The following DAAM2 variants were observed in gnomAD, a reference collection of about 807,000 sequenced individuals.
The protein encoded by DAAM2 is disheveled-associated activator of morphogenesis 2.
DAAM2 carries 39 observed loss-of-function variants against 120.7 expected under a neutral mutation model. The observed-to-expected ratio is 0.32, with a 90% CI of 0.25 to 0.42. The LOEUF (loss-of-function observed/expected upper bound fraction) is 0.42, where lower values mean the gene tolerates loss of function less well. Ranked by LOEUF, DAAM2 falls within the 10% of genes least tolerant of loss-of-function variation. DAAM2 has a pLI of 1.00. For missense variants in DAAM2, 1,283 were observed against 1,401.7 expected (o/e 0.92, Z 1.35); for synonymous variants, 488 against 524.9 (o/e 0.93, Z 0.96).
Position 39,871,559 on chromosome 6 carries a change from G to A in DAAM2, c.1031G>A (p.Arg344Lys). The A allele has an allele frequency of 6.4e-7, 1 of 1,550,714 alleles. No individual in the cohort carries two copies. The highest frequency in any genetic ancestry group is 8.7e-7 in the Non-Finnish European group (1 of 1,147,000). Residue 344 changes from arginine (R) to lysine (K), a missense_variant, in exon 9 of 25, where the codon AGG (arginine) becomes AAG (lysine). Arg to Lys is a conservative substitution (Grantham distance 26). Coordinates refer to ENST00000274867, the MANE Select transcript of DAAM2 (RefSeq NM_001201427.2). ...AATGAGGATGACCTGGAGCTAGCCA[G>A]GAGGTTTGACATGGTGAGGAGCCAG... ...VRNEDDLELA[R>K]RFDMVHIDTK... is the part of the protein sequence containing the mutation.
intron 2 of DAAM2, 81 bp downstream of exon 2, chr6:39,856,551 C>T: frequency 8.6e-7 from 1 of 1,162,726 alleles, no homozygotes; most frequent in Non-Finnish European, 1.1e-6. Flanking sequence ...GGGCAGGGCC[C>T]CTGTGCTGGG....
intron 1 of DAAM2, among the ~76,000 whole-genome samples, chr6:39,815,522 AC>A (rs1156811434): frequency 6.6e-6 from 1 of 152,166 alleles, no homozygotes; most frequent in Non-Finnish European, 1.5e-5. Flanking sequence ...TGTCTGTTAA[AC>A]ACAGTTTAAC....
intron 1 of DAAM2, among the ~76,000 whole-genome samples, chr6:39,797,636 G>A (rs889851598): frequency 2.8e-4 from 42 of 152,202 alleles, no homozygotes; most frequent in African/African-American, 9.9e-4. Context: ...CCACAGTTCT[G>A]TAAGCTTCCC....
At chr6:39,827,323 T>C (rs1328898564) in intron 1 of DAAM2, among the ~76,000 whole-genome samples, 1 of 152,180 alleles carries the variant, frequency 6.6e-6, no homozygotes, top group Non-Finnish European at 1.5e-5. Context: ...GTCTTGTGCA[T>C]GCCAGCAGCT....
Position 39,869,307 on chromosome 6 carries a change from G to A in DAAM2, c.873+374G>A, listed in dbSNP as rs140584196. On this transcript the variant is annotated intron_variant, in intron 7 of 24. Transcript: ENST00000274867. ...TGAAGTATAAAAATAGCAACAGGCT[G>A]GGCGTGGTGGCTCATGCCTGTAATC... Among the ~76,000 whole-genome samples, 4 of 152,274 alleles carry A rather than the reference G, an allele frequency of 2.6e-5. No individual in the cohort carries two copies. The East Asian group carries it at 7.7e-4, about 29-fold the overall frequency.
At chr6:39,840,409 A>G (rs1244996435) in intron 1 of DAAM2, among the ~76,000 whole-genome samples, 3 of 152,214 alleles carry the variant, frequency 2.0e-5, no homozygotes, top group African/African-American at 2.4e-5. Context: ...TAAGTGAGAT[A>G]GTACATATAA....
At chr6:39,869,232 G>A (rs1416242600) in intron 7 of DAAM2, among the ~76,000 whole-genome samples, 2 of 152,120 alleles carry the variant, frequency 1.3e-5, no homozygotes, top group African/African-American at 2.4e-5. Context: ...AGTGCCTTCT[G>A]TTAGGTGTGC....
intron 1 of DAAM2, among the ~76,000 whole-genome samples, chr6:39,850,511 G>A (rs1763769378): frequency 6.6e-6 from 1 of 152,136 alleles, no homozygotes; most frequent in Admixed American, 6.5e-5. Flanking sequence ...TTACTCCTGG[G>A]TCCTCATCAC....
Position 39,904,827 on chromosome 6 carries a change from A to G in DAAM2, c.*2790A>G. On this transcript the variant is annotated 3_prime_UTR_variant, in exon 25 of 25. Transcript: ENST00000274867. Reference sequence around the variant, plus strand: ...ACTTGCACCTTTTTTATAAGAATATATTGTAATACTAAAAAATATTAAATT... The same window carrying G: ...ACTTGCACCTTTTTTATAAGAATATGTTGTAATACTAAAAAATATTAAATT... 4.4e-6 allele frequency: 2 copies of G among 454,068 alleles called. No individual in the cohort carries two copies. The highest frequency in any genetic ancestry group is 8.8e-6 in the Non-Finnish European group (2 of 226,798). 28.1% of individuals were successfully genotyped at this position (454,068 alleles called of 1,614,324 possible). A position where few individuals can be genotyped will look rare whatever the true frequency, so the allele number is the denominator to read the frequency against.
chr6:39,834,147 C>A (rs183218137), intron 1 of DAAM2, among the ~76,000 whole-genome samples: 1 of 152,254 alleles, frequency 6.6e-6, no homozygotes, highest in African/African-American at 2.4e-5. Flanking sequence ...CCTTGAATAA[C>A]GTACAATATC....
In DAAM2 at chr6:39,884,025, C is replaced by T. The variant is rs1435033970; in HGVS notation, c.1909C>T (p.Leu637=). 1.2e-6 allele frequency: 2 copies of T among 1,613,128 alleles called. No individual in the cohort carries two copies. The highest frequency in any genetic ancestry group is 2.2e-5 in the East Asian group (1 of 44,868). The change falls in exon 15 of 25, where the codon CTA becomes TTA. Residue 637 remains leucine (L), a synonymous_variant. Coordinates refer to ENST00000274867, the MANE Select transcript of DAAM2 (RefSeq NM_001201427.2). The part of the protein sequence containing the change: ...DDMQVFRILD[L]EDFEKMFSAY... Reference sequence around the variant, plus strand: ...CATGCAGGTATTTCGGATCCTGGACCTAGAGGATTTTGAAAAGATGTTTTC... The same window carrying T: ...CATGCAGGTATTTCGGATCCTGGACTTAGAGGATTTTGAAAAGATGTTTTC...
At chr6:39,895,876 G>A (rs1296754226) in intron 19 of DAAM2, among the ~76,000 whole-genome samples, 1 of 152,148 alleles carries the variant, frequency 6.6e-6, no homozygotes. Flanking sequence ...GGGGAAAATG[G>A]TTAAGATGCC....
intron 1 of DAAM2, chr6:39,821,602 G>T (rs1762489340): frequency 6.6e-6 from 1 of 152,278 alleles, no homozygotes; most frequent in Non-Finnish European, 1.5e-5. Flanking sequence ...CAGAGGTGGG[G>T]ACTGGGATCC....
chr6:39,804,312 G>A (rs752262859), intron 1 of DAAM2, among the ~76,000 whole-genome samples: 1 of 152,206 alleles, frequency 6.6e-6, no homozygotes, highest in Non-Finnish European at 1.5e-5. Context: ...CTAAGTCACT[G>A]CAGTGTTTAC....
Position 39,875,408 on chromosome 6 carries a change from G to A in DAAM2, c.1241G>A (p.Arg414Gln), listed in dbSNP as rs762109044. ...CAGCAGATTGTCCTCCAGGATGAGC[G>A]GGGTGTGGACCCTGACCTGGCTCCC... ...ILQQIVLQDE[R>Q]GVDPDLAPLE... Residue 414 changes from arginine to glutamine, a missense_variant, in exon 11 of 25, where the codon CGG (arginine) becomes CAG (glutamine). Transcript: ENST00000274867. 1.9e-5 allele frequency: 31 copies of A among 1,613,808 alleles called. No homozygotes were observed. Among genetic ancestry groups the A allele is most frequent in the African/African-American group, 1.2e-4 (9 of 74,890 alleles).
At chr6:39,807,708 G>A (rs1762049196) in intron 1 of DAAM2, among the ~76,000 whole-genome samples, 7 of 152,066 alleles carry the variant, frequency 4.6e-5, no homozygotes, top group Admixed American at 3.9e-4. Flanking sequence ...CTAGAGATGG[G>A]GTTTTGCCAT....
chr6:39,861,132 A>G, intron 3 of DAAM2, 115 bp downstream of exon 3: 1 of 790,622 alleles, frequency 1.3e-6, no homozygotes, highest in Non-Finnish European at 2.2e-6. Context: ...GCCCTGTTCT[A>G]GGTGTTGGAG....
intron 14 of DAAM2, chr6:39,879,912 TG>T (rs1765047230): frequency 3.7e-6 from 1 of 272,096 alleles, no homozygotes; most frequent in African/African-American, 2.3e-5. Flanking sequence ...ATAGCTATTT[TG>T]GCATCTTCCT....
chr6:39,872,833 T>TG (rs35625306), intron 9 of DAAM2, among the ~76,000 whole-genome samples: 94,606 of 151,898 alleles, frequency 0.62, 29,700 homozygotes, highest in Middle Eastern at 0.69. Flanking sequence ...CTCCCTTCCC[T>TG]AGTTTGGATC....
Sources: allele counts gnomAD v4.1 joint callset (sites outside exome capture counted in the v4.1 genomes callset), GRCh38; gene constraint gnomAD v4.1.1; transcripts MANE v1.5; gene names NCBI Gene and HGNC (gene_info 2026-07-23, HGNC 2026-07-21).